Variants in SRPK2 observed in about 807,000 individuals in gnomAD.
SRPK2 encodes the protein SRSF protein kinase 2.
SRPK2 carries 21 observed loss-of-function variants against 90.8 expected under a neutral mutation model. That is an observed-to-expected ratio of 0.23 (90% CI 0.16 to 0.33). The LOEUF (loss-of-function observed/expected upper bound fraction) is 0.33, where lower values mean the gene tolerates loss of function less well. Ranked by LOEUF, SRPK2 falls within the 10% of genes least tolerant of loss-of-function variation. SRPK2 has a pLI of 1.00. For synonymous variants in SRPK2, 288 were observed against 311.1 expected (o/e 0.93, Z 0.78); for missense variants, 620 against 869.0 (o/e 0.71, Z 3.60).
At chr7:105,240,689 T>A (rs560978581) in intron 2 of SRPK2, among the ~76,000 whole-genome samples, 1 of 152,294 alleles carries the variant, frequency 6.6e-6, no homozygotes, top group African/African-American at 2.4e-5. Context: ...GAACCTCACT[T>A]GACTCTAAAA....
intron 1 of SRPK2, among the ~76,000 whole-genome samples, chr7:105,397,478 C>T (rs746911215): frequency 2.7e-5 from 4 of 149,566 alleles, no homozygotes; most frequent in Non-Finnish European, 5.9e-5. Flanking sequence ...TATAGGCACA[C>T]GCCACCATGC....
At chr7:105,342,487 A>G (rs925331171) in intron 2 of SRPK2, among the ~76,000 whole-genome samples, 20 of 152,156 alleles carry the variant, frequency 1.3e-4, no homozygotes, top group Non-Finnish European at 2.5e-4. Flanking sequence ...AAATATAGCC[A>G]TATAAAAATT....
At chr7:105,233,547 T>A (rs1299180169) in intron 2 of SRPK2, among the ~76,000 whole-genome samples, 1 of 152,216 alleles carries the variant, frequency 6.6e-6, no homozygotes. Flanking sequence ...AGTTCCTTTA[T>A]AATTCCTGTA....
In SRPK2 at chr7:105,257,114, C is replaced by A. The variant is rs1189625646; in HGVS notation, c.72-53329G>T. ...ACACTGATATTCTGTACAAAACCTA[C>A]ATTTCTGTGCTGGCTTTGTGGCTCC... On this transcript the variant is annotated intron_variant, in intron 2 of 15. Transcript: ENST00000393651. Among the ~76,000 whole-genome samples the A allele has an allele frequency of 2.0e-5, 3 of 152,322 alleles. No individual in the cohort carries two copies. In the East Asian group the frequency reaches 5.8e-4, roughly 29 times the overall value.
intron 2 of SRPK2, among the ~76,000 whole-genome samples, chr7:105,247,697 C>T (rs1294690384): frequency 2.7e-5 from 4 of 147,754 alleles, no homozygotes; most frequent in South Asian, 4.4e-4. Context: ...TTTTAATTGA[C>T]TGTATTAACC....
At chr7:105,324,280 T>G (rs930622343) in intron 2 of SRPK2, among the ~76,000 whole-genome samples, 1 of 151,866 alleles carries the variant, frequency 6.6e-6, no homozygotes, top group East Asian at 1.9e-4. Flanking sequence ...GTGCTGGGAT[T>G]ACAGACATGA....
intron 2 of SRPK2, among the ~76,000 whole-genome samples, chr7:105,324,016 T>TGTG (rs1554509925): frequency 6.7e-6 from 1 of 148,426 alleles, no homozygotes; most frequent in African/African-American, 2.5e-5. Context: ...TGTGTGTGTG[T>TGTG]GGTGGAGTCT....
intron 3 of SRPK2, among the ~76,000 whole-genome samples, chr7:105,197,811 C>T (rs753577506): frequency 2.0e-5 from 3 of 152,160 alleles, no homozygotes; most frequent in Non-Finnish European, 2.9e-5. Context: ...CCAAGTCAGA[C>T]CACAGCTGTT....
intron 2 of SRPK2, among the ~76,000 whole-genome samples, chr7:105,338,037 A>C (rs966031338): frequency 1.1e-4 from 16 of 151,852 alleles, no homozygotes; most frequent in African/African-American, 3.9e-4. Context: ...TCTAAGTCTG[A>C]AGTTTCCTAT....
intron 10 of SRPK2, 36 bp downstream of exon 10, chr7:105,143,048 G>C (rs373940266): frequency 6.9e-6 from 11 of 1,601,570 alleles, no homozygotes; most frequent in African/African-American, 1.3e-5. Context: ...GGAGCTCTGA[G>C]AACCCCATGC....
chr7:105,283,360 T>C (rs1807596475), intron 2 of SRPK2, among the ~76,000 whole-genome samples: 1 of 152,174 alleles, frequency 6.6e-6, no homozygotes, highest in Admixed American at 6.5e-5. Context: ...CACAGCAGCA[T>C]TACTCATAAT....
chr7:105,347,289 T>C (rs1287499984), intron 2 of SRPK2, among the ~76,000 whole-genome samples: 3 of 152,014 alleles, frequency 2.0e-5, no homozygotes, highest in Non-Finnish European at 4.4e-5. Flanking sequence ...CTTAAACTCC[T>C]GGACTCAAGC....
intron 2 of SRPK2, among the ~76,000 whole-genome samples, chr7:105,351,655 T>A (rs1281775990): frequency 6.6e-6 from 1 of 151,638 alleles, no homozygotes; most frequent in Non-Finnish European, 1.5e-5. Context: ...ATACAAAAAA[T>A]TAGCTGGGTG....
chr7:105,369,110 C>T (rs1819411457), intron 2 of SRPK2, among the ~76,000 whole-genome samples: 1 of 146,956 alleles, frequency 6.8e-6, no homozygotes, highest in Non-Finnish European at 1.5e-5. Context: ...TAATAGAGTT[C>T]TACACAAGAT....
intron 3 of SRPK2, among the ~76,000 whole-genome samples, chr7:105,184,382 A>T (rs1793304375): frequency 6.6e-6 from 1 of 152,182 alleles, no homozygotes; most frequent in South Asian, 2.1e-4. Flanking sequence ...CTGTTACAAA[A>T]TATATGTTGT....
intron 2 of SRPK2, among the ~76,000 whole-genome samples, chr7:105,286,513 AAGAC>A (rs1410794855): frequency 6.6e-6 from 1 of 152,206 alleles, no homozygotes; most frequent in East Asian, 1.9e-4. Context: ...TGGGCATTCT[AAGAC>A]AGTCTCAGAA....
intron 7 of SRPK2, among the ~76,000 whole-genome samples, chr7:105,149,463 G>A (rs909554827): frequency 1.3e-5 from 2 of 151,734 alleles, no homozygotes; most frequent in East Asian, 1.9e-4. Flanking sequence ...CCTTTTTGCT[G>A]AAATAATGAA....
intron 2 of SRPK2, among the ~76,000 whole-genome samples, chr7:105,270,361 G>A (rs1805665387): frequency 6.6e-6 from 1 of 151,798 alleles, no homozygotes; most frequent in South Asian, 2.1e-4. Flanking sequence ...AAGGAGCAGG[G>A]TGTCAGAGCT....
intron 2 of SRPK2, among the ~76,000 whole-genome samples, chr7:105,360,166 G>C (rs1323315825): frequency 2.0e-5 from 3 of 152,100 alleles, no homozygotes; most frequent in Non-Finnish European, 4.4e-5. Flanking sequence ...TTCTTTGCTG[G>C]TTTAAAGTCT....
Sources: gnomAD v4.1 joint callset for allele counts (sites outside exome capture counted in the v4.1 genomes callset) on GRCh38, gnomAD v4.1.1 for gene constraint, MANE v1.5 for transcripts, NCBI Gene and HGNC (gene_info 2026-07-23, HGNC 2026-07-21) for gene names.